The following MARCHF1 variants were observed in gnomAD, a reference collection of about 807,000 sequenced individuals.
MARCHF1 encodes the protein E3 ubiquitin-protein ligase MARCHF1.
In MARCHF1, 40 loss-of-function variants were observed where a neutral mutation model predicts 54.2. That is an observed-to-expected ratio of 0.74 (90% CI 0.57 to 0.96). The LOEUF (loss-of-function observed/expected upper bound fraction) is 0.96, where lower values mean the gene tolerates loss of function less well. Among genes scored for constraint, MARCHF1 ranks in the 40% least tolerant of loss-of-function variants. The pLI is 0.00. For synonymous variants in MARCHF1, 236 were observed against 236.3 expected, an observed-to-expected ratio of 1.00 and a Z score of 0.01; for missense variants, 586 against 656.5, an observed-to-expected ratio of 0.89 and a Z score of 1.17.
At chr4:164,267,510 T>C (rs984687335) in intron 1 of MARCHF1, among the ~76,000 whole-genome samples, 1 of 152,156 alleles carries the variant, frequency 6.6e-6, no homozygotes, top group Non-Finnish European at 1.5e-5. Flanking sequence ...TAGCCAACCC[T>C]AAGTGAAGAA....
chr4:164,043,796 A>G (rs1287124070), intron 2 of MARCHF1, among the ~76,000 whole-genome samples: 1 of 152,200 alleles, frequency 6.6e-6, no homozygotes, highest in East Asian at 1.9e-4. Flanking sequence ...TTCTCCATGC[A>G]TATGAGCATA....
At chr4:163,860,621 G>A (rs1177696049) in intron 3 of MARCHF1, among the ~76,000 whole-genome samples, 2 of 152,116 alleles carry the variant, frequency 1.3e-5, no homozygotes, top group Non-Finnish European at 2.9e-5. Flanking sequence ...AAAAGACTTT[G>A]ATTGAATCAT....
At chr4:164,139,199 C>T (rs1756467140) in intron 1 of MARCHF1, among the ~76,000 whole-genome samples, 1 of 151,986 alleles carries the variant, frequency 6.6e-6, no homozygotes, top group Non-Finnish European at 1.5e-5. Flanking sequence ...ATAATAAACA[C>T]ACATGAACAC....
intron 3 of MARCHF1, among the ~76,000 whole-genome samples, chr4:163,947,994 G>T: frequency 6.6e-6 from 1 of 152,108 alleles, no homozygotes. Flanking sequence ...CCCCAAAGTA[G>T]ATTTCTCTAC....
At chr4:163,853,898 A>C (rs531547850) in intron 4 of MARCHF1, 123 bp downstream of exon 4, 3 of 743,576 alleles carry the variant, frequency 4.0e-6, no homozygotes, top group South Asian at 2.6e-5. Context: ...TATATTATAT[A>C]ATACAAATGC....
At chr4:163,922,329 G>A (rs534529905) in intron 3 of MARCHF1, among the ~76,000 whole-genome samples, 23 of 152,172 alleles carry the variant, frequency 1.5e-4, no homozygotes, top group African/African-American at 3.4e-4. Flanking sequence ...TAACCTGCAC[G>A]TTGTGCACAT....
intron 4 of MARCHF1, among the ~76,000 whole-genome samples, chr4:163,737,228 T>TA (rs1746071065): frequency 9.1e-6 from 1 of 110,186 alleles, no homozygotes; most frequent in South Asian, 3.0e-4. Flanking sequence ...TTTTTTTTTT[T>TA]ATTATACTCT....
chr4:163,858,720 T>C (rs528632563), intron 3 of MARCHF1, among the ~76,000 whole-genome samples: 24 of 152,330 alleles, frequency 1.6e-4, no homozygotes, highest in African/African-American at 5.5e-4. Flanking sequence ...TTACTCACTA[T>C]ATATTGAGAA....
intron 7 of MARCHF1, among the ~76,000 whole-genome samples, chr4:163,603,570 G>A (rs966407037): frequency 1.3e-5 from 2 of 152,034 alleles, no homozygotes; most frequent in Non-Finnish European, 2.9e-5. Flanking sequence ...TAAACAATGA[G>A]TAATTCTTTA....
Position 163,737,153 on chromosome 4 carries a change from CTTTTTTCTTTCTTTT to C in MARCHF1, c.112-36305_112-36291del, listed in dbSNP as rs1357862049. On this transcript the variant is annotated intron_variant, in intron 4 of 9. Coordinates refer to ENST00000514618, the MANE Select transcript of MARCHF1 (RefSeq NM_001394959.1). ...TTAAGTCACTTATCAGCGCTCGCAGCTTTTTTCTTTCTTTTTTTTTTTTTTTTTTCACATATTAGT... is the reference window on the plus strand; with the variant it reads ...TTAAGTCACTTATCAGCGCTCGCAGCTTTTTTTTTTTTTTCACATATTAGT... Among the ~76,000 whole-genome samples the C allele has an allele frequency of 6.6e-4, 52 of 79,226 alleles. 6 individuals carry two copies. Among genetic ancestry groups the C allele is most frequent in the Admixed American group, 2.4e-3 (21 of 8,822 alleles). The allele number at this position is 79,226 out of a possible 152,430, so 52.0% of individuals were successfully genotyped here.
intron 1 of MARCHF1, among the ~76,000 whole-genome samples, chr4:164,205,512 A>G (rs1256043890): frequency 2.0e-5 from 3 of 152,328 alleles, no homozygotes; most frequent in East Asian, 3.9e-4. Context: ...ATCATCCTCA[A>G]TTGATTGCCT....
At chr4:163,631,923 C>G (rs548471805) in intron 5 of MARCHF1, among the ~76,000 whole-genome samples, 54 of 152,194 alleles carry the variant, frequency 3.5e-4, no homozygotes, top group African/African-American at 1.2e-3. Context: ...TTGCAAATGG[C>G]CAAAGGATTG....
chr4:164,170,297 T>A (rs17044701), intron 1 of MARCHF1, among the ~76,000 whole-genome samples: 28,753 of 152,034 alleles, frequency 0.19, 4,362 homozygotes, highest in African/African-American at 0.41. Flanking sequence ...TACTTTTTCA[T>A]GAAGCTTAAC....
chr4:164,124,584 A>T (rs1163683456), intron 1 of MARCHF1, among the ~76,000 whole-genome samples: 1 of 151,178 alleles, frequency 6.6e-6, no homozygotes. Flanking sequence ...ACAACGGAGT[A>T]CTATTCTGCC....
chr4:163,743,915 T>C lies in MARCHF1; in HGVS notation c.112-43052A>G, dbSNP rs1454913879. ...AATAGACATTTTGTATCACAACTTA[T>C]ACTCTCAATTGTATGACAACACAGT... is the stretch of plus-strand genomic sequence containing the variant. On this transcript the variant is annotated intron_variant, in intron 4 of 9. Transcript: ENST00000514618. 4.6e-5 allele frequency among the ~76,000 whole-genome samples: 7 copies of C among 152,340 alleles called. No individual in the cohort carries two copies. In the East Asian group the frequency reaches 7.7e-4, roughly 17 times the overall value.
At chr4:163,652,215 T>C (rs1180494378) in intron 5 of MARCHF1, among the ~76,000 whole-genome samples, 1 of 151,848 alleles carries the variant, frequency 6.6e-6, no homozygotes, top group Non-Finnish European at 1.5e-5. Flanking sequence ...CCTAATTCAG[T>C]GGTTTTCACA....
In MARCHF1 at chr4:164,308,327, TAGGAA is replaced by T. The variant is rs1246222429; in HGVS notation, c.-323+75538_-323+75542del. 3.9e-5 allele frequency among the ~76,000 whole-genome samples: 6 copies of T among 152,198 alleles called. No homozygotes were observed. In the East Asian group the frequency reaches 9.6e-4, roughly 24 times the overall value. Reference sequence around the variant, plus strand: ...ATATTGAACTAAAAACAAACATTTGTAGGAAATAACCTATTTGCTATTTTCTTCTC... The same window carrying T: ...ATATTGAACTAAAAACAAACATTTGTATAACCTATTTGCTATTTTCTTCTC... On this transcript the variant is annotated intron_variant, in intron 1 of 9. Transcript: ENST00000514618.
intron 1 of MARCHF1, among the ~76,000 whole-genome samples, chr4:164,114,809 A>G (rs1185339009): frequency 6.6e-6 from 1 of 151,782 alleles, no homozygotes; most frequent in African/African-American, 2.4e-5. Context: ...ACCAAAAAAA[A>G]AAAAGGCAGA....
intron 3 of MARCHF1, among the ~76,000 whole-genome samples, chr4:163,928,373 A>G (rs186419798): frequency 7.9e-5 from 12 of 152,106 alleles, no homozygotes; most frequent in East Asian, 1.9e-4. Flanking sequence ...AACAAGTGCA[A>G]GAGGACAGGC....
Sources: gnomAD v4.1 joint callset for allele counts (sites outside exome capture counted in the v4.1 genomes callset) on GRCh38, gnomAD v4.1.1 for gene constraint, MANE v1.5 for transcripts, NCBI Gene and HGNC (gene_info 2026-07-23, HGNC 2026-07-21) for gene names.